Variants in DHX8 observed in about 807,000 individuals in gnomAD.
DHX8 encodes the protein DEAH-box helicase 8, also known as ATP-dependent RNA helicase DHX8.
DHX8 carries 67 observed loss-of-function variants against 140.7 expected under a neutral mutation model. The ratio of observed to expected loss-of-function variants is 0.48; its 90% CI spans 0.39 to 0.58. DHX8 has a LOEUF of 0.58. Ranked by LOEUF, DHX8 falls within the 20% of genes least tolerant of loss-of-function variation. The probability of loss-of-function intolerance (pLI) is 0.00; values close to 1 mark genes in which losing one functional copy is unlikely to be tolerated. For synonymous variants in DHX8, 533 were observed against 553.2 expected, an observed-to-expected ratio of 0.96 and a Z score of 0.51; for missense variants, 887 against 1,550.7, an observed-to-expected ratio of 0.57 and a Z score of 7.19.
rs372916703 is a variant in DHX8 at position 43,507,707 on chromosome 17, A to G, written c.2109+19A>G. Reference sequence around the variant, plus strand: ...GAAAAAGGTAACTAGATGCTCTTTAATGACCCCTCTACCTGTTGGAAGCTG... The same window carrying G: ...GAAAAAGGTAACTAGATGCTCTTTAGTGACCCCTCTACCTGTTGGAAGCTG... On this transcript the variant is annotated intron_variant, in intron 14 of 22. Coordinates refer to ENST00000262415, the MANE Select transcript of DHX8 (RefSeq NM_004941.3). 5.6e-6 allele frequency: 9 copies of G among 1,613,276 alleles called. No individual in the cohort carries two copies. The highest frequency in any genetic ancestry group is 6.8e-6 in the Non-Finnish European group (8 of 1,179,392).
chr17:43,529,795 C>T, downstream of DHX8: 1 of 1,599,364 alleles, frequency 6.3e-7, no homozygotes, highest in Non-Finnish European at 8.6e-7. Context: ...TGGGTCCCAC[C>T]CTCTTGCAAC....
chr17:43,520,975 T>TC (rs1351154067), intron 20 of DHX8, 96 bp downstream of exon 20: 1 of 1,313,236 alleles, frequency 7.6e-7, no homozygotes, highest in Non-Finnish European at 1.0e-6. Context: ...TTTTTTTTTT[T>TC]TTTTTTTTTT....
chr17:43,529,371 CTT>C, downstream of DHX8: 3 of 1,408,200 alleles, frequency 2.1e-6, no homozygotes, highest in South Asian at 1.2e-5. Flanking sequence ...AGCCCACAGA[CTT>C]AGGCTTGGCA....
chr17:43,505,502 G>A (rs528794656), intron 12 of DHX8, among the ~76,000 whole-genome samples: 1 of 152,040 alleles, frequency 6.6e-6, no homozygotes, highest in Non-Finnish European at 1.5e-5. Context: ...CTGAGAGGTC[G>A]CGGCTACAGT....
At chr17:43,532,790 G>C in intron 2 of DHX8, 1 of 1,614,008 alleles carries the variant, frequency 6.2e-7, no homozygotes, top group South Asian at 1.1e-5. Context: ...TTCATACAGG[G>C]GATCATGGTA....
intron 8 of DHX8, among the ~76,000 whole-genome samples, chr17:43,494,914 C>T (rs1212340856): frequency 1.3e-5 from 2 of 150,584 alleles, no homozygotes; most frequent in Admixed American, 1.3e-4. Context: ...CGGGTTCAAG[C>T]GATTGTCGTG....
chr17:43,520,318 C>G, intron 19 of DHX8, 51 bp downstream of exon 19: 2 of 1,599,276 alleles, frequency 1.3e-6, no homozygotes, highest in Non-Finnish European at 1.7e-6. Flanking sequence ...CCCTGGTCAG[C>G]CTTTCACATC....
intron 3 of DHX8, among the ~76,000 whole-genome samples, chr17:43,541,626 C>T (rs1051167326): frequency 6.6e-6 from 1 of 152,166 alleles, no homozygotes; most frequent in African/African-American, 2.4e-5. Context: ...CTGAAGCTCA[C>T]CATAGGTTAG....
chr17:43,529,024 C>G, downstream of DHX8: 1 of 1,044,540 alleles, frequency 9.6e-7, no homozygotes. Flanking sequence ...CTGACTGATT[C>G]ATTATCTGAT....
chr17:43,483,988 T>A lies in DHX8; in HGVS notation c.-50T>A. 1 of 1,606,028 alleles carries A rather than the reference T, an allele frequency of 6.2e-7. No homozygotes were observed. The highest frequency in any genetic ancestry group is 1.1e-5 in the South Asian group (1 of 90,532). On this transcript the variant is annotated 5_prime_UTR_variant, in exon 1 of 23. Transcript: ENST00000262415. ...AGTGAAAGCTGGAACCCGGCCGGAG[T>A]AGCTCTGAGCGCCGGCTGTGAGGAA... is the stretch of plus-strand genomic sequence containing the variant.
chr17:43,521,432 A>G lies in DHX8; in HGVS notation c.3130A>G (p.Thr1044Ala). 5.0e-6 allele frequency: 8 copies of G among 1,613,830 alleles called. No homozygotes were observed. Among genetic ancestry groups the G allele is most frequent in the Non-Finnish European group, 6.8e-6 (8 of 1,179,964 alleles). The change falls in exon 21 of 23, where the codon ACC becomes GCC. Residue 1044 changes from threonine to alanine, a missense_variant. This residue lies in a region of DHX8 where 151 missense variants were observed against 388.3 expected (regional missense o/e 0.39). Transcript: ENST00000262415. ...CCACCAGACTGAAGGGGACCACCTC[A>G]CCCTGCTAGCTGTGTACAACTCCTG... is the stretch of plus-strand genomic sequence containing the variant. ...KFHQTEGDHL[T>A]LLAVYNSWKN...
chr17:43,532,751 C>G, intron 2 of DHX8: 2 of 1,614,096 alleles, frequency 1.2e-6, no homozygotes, highest in Non-Finnish European at 1.7e-6. Flanking sequence ...ATTGACCCCA[C>G]CCTGGTCCAC....
chr17:43,519,259 T>C (rs965768179), intron 18 of DHX8: 20 of 152,208 alleles, frequency 1.3e-4, no homozygotes, highest in African/African-American at 3.9e-4. Context: ...CTCACTGACA[T>C]TTGTTAGTTT....
intron 10 of DHX8, 144 bp downstream of exon 10, chr17:43,499,103 A>G (rs921357203): frequency 1.7e-6 from 1 of 600,044 alleles, no homozygotes; most frequent in African/African-American, 2.0e-5. Context: ...TAATAGTTTT[A>G]TTTTAAATGG....
At chr17:43,503,397 T>C (rs1006968635) in intron 11 of DHX8, among the ~76,000 whole-genome samples, 2 of 151,662 alleles carry the variant, frequency 1.3e-5, no homozygotes, top group Non-Finnish European at 2.9e-5. Flanking sequence ...CTAGGGAGGC[T>C]GAGGCAAGAG....
At chr17:43,536,343 G>T in intron 2 of DHX8, 1 of 1,225,510 alleles carries the variant, frequency 8.2e-7, no homozygotes, top group Non-Finnish European at 1.2e-6. Flanking sequence ...AGAACAAGCT[G>T]CTCTCTTGTG....
chr17:43,536,540 C>G, intron 3 of DHX8: 1 of 1,468,796 alleles, frequency 6.8e-7, no homozygotes, highest in Non-Finnish European at 9.5e-7. Flanking sequence ...TGGGAGGCTC[C>G]ATTATTACAG....
intron 11 of DHX8, among the ~76,000 whole-genome samples, chr17:43,503,424 G>A (rs1969314578): frequency 6.6e-6 from 1 of 152,012 alleles, no homozygotes; most frequent in African/African-American, 2.4e-5. Flanking sequence ...TTGAACCTGG[G>A]AGGCGGAGGT....
intron 18 of DHX8, 169 bp downstream of exon 18, chr17:43,517,491 G>A (rs1350802947): frequency 6.8e-6 from 5 of 735,636 alleles, no homozygotes; most frequent in South Asian, 2.0e-5. Flanking sequence ...CGGCAGGTCT[G>A]GGGCTAAGTT....
Sources: gnomAD v4.1 joint callset for allele counts (sites outside exome capture counted in the v4.1 genomes callset) on GRCh38, gnomAD v4.1.1 for gene constraint, gnomAD v4.1.1 regional missense constraint, MANE v1.5 for transcripts, NCBI Gene and HGNC (gene_info 2026-07-23, HGNC 2026-07-21) for gene names.